EIF3H: variants seen among roughly 807,000 people sequenced by gnomAD.
EIF3H encodes eIF-3-gamma.
A neutral mutation model predicts 44.2 loss-of-function variants in EIF3H; 26 were observed. The observed-to-expected ratio is 0.59, with a 90% CI of 0.43 to 0.82. The LOEUF is 0.82. Among genes scored for constraint, EIF3H ranks in the 40% least tolerant of loss-of-function variants. The pLI is 0.00. For synonymous variants in EIF3H, 166 were observed against 151.9 expected (o/e 1.09, Z -0.68); for missense variants, 359 against 432.8 (o/e 0.83, Z 1.51).
intron 2 of EIF3H, among the ~76,000 whole-genome samples, chr8:116,667,349 T>TA (rs1281087846): frequency 6.6e-6 from 1 of 152,050 alleles, no homozygotes; most frequent in African/African-American, 2.4e-5. Context: ...ACATTTCTGT[T>TA]ATAGAAAAAT....
intron 2 of EIF3H, among the ~76,000 whole-genome samples, chr8:116,717,886 A>C (rs1010501817): frequency 1.3e-5 from 2 of 152,146 alleles, no homozygotes; most frequent in African/African-American, 4.8e-5. Flanking sequence ...AAACCAAGAT[A>C]AATTGATGGG....
chr8:116,695,067 CTTTTTT>C (rs767166377), intron 2 of EIF3H, among the ~76,000 whole-genome samples: 1 of 133,566 alleles, frequency 7.5e-6, no homozygotes, highest in Admixed American at 7.6e-5. Flanking sequence ...CTTCCTAATT[CTTTTTT>C]TTTTTTTTTT....
chr8:116,733,619 C>G (rs1028497656), intron 1 of EIF3H, among the ~76,000 whole-genome samples: 1 of 149,938 alleles, frequency 6.7e-6, no homozygotes, highest in Non-Finnish European at 1.5e-5. Context: ...AAAAAAAAAA[C>G]AAACTCTTAA....
chr8:116,674,382 A>T lies in EIF3H; in HGVS notation c.290-15402T>A, dbSNP rs187955705. On this transcript the variant is annotated intron_variant, in intron 2 of 7. Transcript: ENST00000521861. ...TAAAGCTGTTCCCAGCAAACGAAGT[A>T]GTGGATGGGGAGGCACTGTGGTAGC... Among the ~76,000 whole-genome samples the T allele has an allele frequency of 1.8e-3, 268 of 152,020 alleles. 1 individual carries two copies. Among genetic ancestry groups the T allele is most frequent in the Admixed American group, 4.9e-3 (75 of 15,278 alleles).
At chr8:116,666,472 C>T (rs1036637245) in intron 2 of EIF3H, among the ~76,000 whole-genome samples, 1 of 151,966 alleles carries the variant, frequency 6.6e-6, no homozygotes, top group African/African-American at 2.4e-5. Context: ...TGAAATAAAA[C>T]CATGAGATCT....
intron 1 of EIF3H, among the ~76,000 whole-genome samples, chr8:116,738,940 T>C (rs186399042): frequency 3.4e-4 from 52 of 152,314 alleles, no homozygotes; most frequent in African/African-American, 1.2e-3. Context: ...TACAGTTCAA[T>C]TAAATTATTA....
chr8:116,682,524 C>T (rs1287960383), intron 2 of EIF3H, among the ~76,000 whole-genome samples: 1 of 152,222 alleles, frequency 6.6e-6, no homozygotes, highest in East Asian at 1.9e-4. Flanking sequence ...CCAGAGGCAG[C>T]ACAGTTCAAA....
At chr8:116,683,398 A>G (rs964733371) in intron 2 of EIF3H, among the ~76,000 whole-genome samples, 2 of 152,160 alleles carry the variant, frequency 1.3e-5, no homozygotes, top group African/African-American at 2.4e-5. Flanking sequence ...CTGTGTCCTC[A>G]GGTGGCAGAA....
At chr8:116,682,355 T>C (rs1258877186) in intron 2 of EIF3H, among the ~76,000 whole-genome samples, 2 of 152,232 alleles carry the variant, frequency 1.3e-5, no homozygotes, top group African/African-American at 4.8e-5. Context: ...TTGGTATAGA[T>C]CCATTTTACT....
At chr8:116,759,705 G>A (rs1161175148), upstream of EIF3H, among the ~76,000 whole-genome samples, 7 of 152,086 alleles carry the variant, frequency 4.6e-5, no homozygotes, top group Non-Finnish European at 8.8e-5. Flanking sequence ...GGGTGTGTTT[G>A]TGTATGTGTG....
chr8:116,720,804 T>C (rs150055245), intron 2 of EIF3H, among the ~76,000 whole-genome samples: 18 of 152,094 alleles, frequency 1.2e-4, no homozygotes, highest in East Asian at 1.9e-4. Flanking sequence ...CTAAATGATT[T>C]GTGGAACTCT....
intron 2 of EIF3H, among the ~76,000 whole-genome samples, chr8:116,698,172 ATTATAAAAGCAGT>A (rs1814302396): frequency 6.6e-6 from 1 of 151,860 alleles, no homozygotes; most frequent in South Asian, 2.1e-4. Context: ...AGGCAAAGTA[ATTATAAAAGCAGT>A]TTTTTTTTTA....
intron 1 of EIF3H, among the ~76,000 whole-genome samples, chr8:116,738,034 C>CAAAAAAAAAA (rs750259420): frequency 1.5e-5 from 1 of 68,502 alleles, no homozygotes; most frequent in Non-Finnish European, 3.1e-5. Flanking sequence ...GGCTCCATCT[C>CAAAAAAAAAA]AAAAAAAAAA....
chr8:116,678,846 C>T (rs1171802691), intron 2 of EIF3H, among the ~76,000 whole-genome samples: 13 of 145,910 alleles, frequency 8.9e-5, no homozygotes, highest in Non-Finnish European at 1.5e-4. Context: ...GCAGCCACCC[C>T]GACCGGGAGG....
chr8:116,714,722 AAGAG>A (rs199538935), intron 2 of EIF3H, among the ~76,000 whole-genome samples: 1 of 152,100 alleles, frequency 6.6e-6, no homozygotes, highest in Non-Finnish European at 1.5e-5. Context: ...CAACAAAAGA[AAGAG>A]AGTTTTGAAA....
rs1448131354 is a variant in EIF3H at position 116,646,598 on chromosome 8, C to G, written c.834G>C (p.Gln278His). The stretch of plus-strand genomic sequence containing the variant: ...GCATATTCTCCTGCTGGCGACGCTG[C>G]TGATACTAAAATTCAAAGGGAAAAT... ...SKQQQQKHQYQQRRQQENMQR... is the reference protein window; with the variant it reads ...SKQQQQKHQYHQRRQQENMQR... Residue 278 changes from glutamine (Q) to histidine (H), a missense_variant, in exon 7 of 8, where the codon CAG becomes CAC. Gln to His is a conservative substitution (Grantham distance 24). Around this residue, in one of 5 missense-constraint regions of EIF3H, gnomAD observed 94 missense variants for 96.0 expected, o/e 0.98. Coordinates refer to ENST00000521861, the MANE Select transcript of EIF3H (RefSeq NM_003756.3). 33 of 1,613,858 alleles carry G rather than the reference C, an allele frequency of 2.0e-5. No individual in the cohort carries two copies. The highest frequency in any genetic ancestry group is 2.3e-5 in the Non-Finnish European group (27 of 1,179,948).
At chr8:116,652,704 A>G (rs1298329192) in intron 5 of EIF3H, among the ~76,000 whole-genome samples, 1 of 152,112 alleles carries the variant, frequency 6.6e-6, no homozygotes, top group Non-Finnish European at 1.5e-5. Flanking sequence ...TTTTTCTTTC[A>G]AATTGTCTAA....
At chr8:116,694,837 T>C (rs1438181780) in intron 2 of EIF3H, among the ~76,000 whole-genome samples, 1 of 152,168 alleles carries the variant, frequency 6.6e-6, no homozygotes, top group African/African-American at 2.4e-5. Context: ...GATGAAGACA[T>C]ATACTAGCAA....
intron 2 of EIF3H, among the ~76,000 whole-genome samples, chr8:116,671,227 C>T (rs1813747875): frequency 6.6e-6 from 1 of 152,142 alleles, no homozygotes; most frequent in South Asian, 2.1e-4. Flanking sequence ...GTTTGTCATC[C>T]CCTAACGCAG....
Sources: gnomAD v4.1 joint callset for allele counts (sites outside exome capture counted in the v4.1 genomes callset) on GRCh38, gnomAD v4.1.1 for gene constraint, gnomAD v4.1.1 regional missense constraint, MANE v1.5 for transcripts, NCBI Gene and HGNC (gene_info 2026-07-23, HGNC 2026-07-21) for gene names.